SLITRK3: variants seen among roughly 807,000 people sequenced by gnomAD.
The protein encoded by SLITRK3 is SLIT and NTRK like family member 3.
A neutral mutation model predicts 63.6 loss-of-function variants in SLITRK3; 16 were observed. The observed-to-expected ratio is 0.25, with a 90% CI of 0.17 to 0.38. SLITRK3 has a LOEUF of 0.38. Ranked by LOEUF, SLITRK3 falls within the 10% of genes least tolerant of loss-of-function variation. The pLI is 1.00. For missense variants in SLITRK3, 1,117 were observed against 1,181.4 expected, an observed-to-expected ratio of 0.95 and a Z score of 0.80; for synonymous variants, 547 against 451.6, an observed-to-expected ratio of 1.21 and a Z score of -2.68.
In SLITRK3 at chr3:165,189,014, T is replaced by A. The variant is rs753049790; in HGVS notation, c.1817A>T (p.Glu606Val). Residue 606 changes from glutamate (E) to valine (V), a missense_variant, in exon 2 of 2, where the codon GAG becomes GTG. Glu to Val is a moderately radical substitution (Grantham distance 121, BLOSUM62 -2). Transcript: ENST00000475390. This position sits in a 1 kb window ranked among gnomAD's most constrained non-coding sequence, Gnocchi z 4.0. The stretch of plus-strand genomic sequence containing the variant: ...CATCTCTGGGCAAAGAACTTCCAGC[T>A]CAATAGTGCGCACATCACGGTGCGT... The part of the protein sequence containing the change: ...NLTHRDVRTI[E>V]LEVLCPEMLH... 2 of 1,614,106 alleles carry A rather than the reference T, an allele frequency of 1.2e-6. No individual in the cohort carries two copies. Among genetic ancestry groups the A allele is most frequent in the East Asian group, 4.5e-5 (2 of 44,860 alleles).
chr3:165,196,051 C>A lies in SLITRK3; in HGVS notation c.-493G>T, dbSNP rs147338466. 7.6e-3 allele frequency: 1,155 copies of A among 152,808 alleles called. 14 individuals are homozygous for A. Among genetic ancestry groups the A allele is most frequent in the African/African-American group, 0.026 (1,099 of 41,552 alleles). 9.5% of individuals were successfully genotyped at this position (152,808 alleles called of 1,614,324 possible). On this transcript the variant is annotated 5_prime_UTR_variant, in exon 1 of 2. Coordinates refer to ENST00000475390, the MANE Select transcript of SLITRK3 (RefSeq NM_001318810.2). ...GTTGTCACTCACAGCGCAATCCCTG[C>A]CCGAGGCCTCCTTCCATCCGAGAAG...
chr3:165,191,695 G>A (rs1369761655), intron 1 of SLITRK3, among the ~76,000 whole-genome samples: 1 of 152,202 alleles, frequency 6.6e-6, no homozygotes, highest in Admixed American at 6.5e-5. Context: ...GAAAGTGTCT[G>A]AATTAAAACA....
At position 165,188,596 on chromosome 3, in the gene SLITRK3, G is replaced by A. The variant is rs530152284; in HGVS notation, c.2235C>T (p.His745=). 1 of 1,613,980 alleles carries A rather than the reference G, an allele frequency of 6.2e-7. No individual in the cohort carries two copies. The highest frequency in any genetic ancestry group is 1.3e-5 in the African/African-American group (1 of 74,956). Residue 745 remains histidine, a synonymous_variant, in exon 2 of 2, where the codon CAC becomes CAT. Coordinates refer to ENST00000475390, the MANE Select transcript of SLITRK3 (RefSeq NM_001318810.2). ...GGTTGTTGCACATTTGGGTAACCGG[G>A]TGGGGGATGTACTCATACACATGAC... ...PVGHVYEYIP[H]PVTQMCNNPI...
rs1425293344 is a variant in SLITRK3 at position 165,188,422 on chromosome 3, C to T, written c.2409G>A (p.Glu803=). 1.9e-6 allele frequency: 3 copies of T among 1,613,842 alleles called. No homozygotes were observed. The highest frequency in any genetic ancestry group is 2.5e-6 in the Non-Finnish European group (3 of 1,179,998). Residue 803 remains glutamate, a synonymous_variant, in exon 2 of 2, where the codon GAG becomes GAA. Coordinates refer to ENST00000475390, the MANE Select transcript of SLITRK3 (RefSeq NM_001318810.2). The part of the protein sequence containing the change: ...GSEQFAETPK[E]NHSNYRTLLE... ...GCAAGGTCCGGTAGTTACTATGGTTCTCCTTGGGTGTCTCAGCAAACTGCT... is the reference window on the plus strand; with the variant it reads ...GCAAGGTCCGGTAGTTACTATGGTTTTCCTTGGGTGTCTCAGCAAACTGCT...
chr3:165,187,867 A>T lies in SLITRK3; in HGVS notation c.*30T>A. The T allele has an allele frequency of 2.0e-6, 3 of 1,521,306 alleles. No individual in the cohort carries two copies. The highest frequency in any genetic ancestry group is 2.7e-6 in the Non-Finnish European group (3 of 1,128,514). 94.2% of individuals were successfully genotyped at this position (1,521,306 alleles called of 1,614,324 possible). On this transcript the variant is annotated 3_prime_UTR_variant, in exon 2 of 2. Transcript: ENST00000475390. ...TTATTTTCCTTTTCTTTTGAAAAAA[A>T]AAAAGCACTAATATATTTTCTTCTC...
chr3:165,188,507 G>C lies in SLITRK3; in HGVS notation c.2324C>G (p.Ala775Gly). 2.5e-6 allele frequency: 4 copies of C among 1,613,962 alleles called. No homozygotes were observed. Among genetic ancestry groups the C allele is most frequent in the Non-Finnish European group, 2.5e-6 (3 of 1,179,982 alleles). The change falls in exon 2 of 2, where the codon GCA becomes GGA. Residue 775 changes from alanine to glycine, a missense_variant. Ala to Gly is a moderately conservative substitution (Grantham distance 60). This residue lies in a region of SLITRK3 where 499 missense variants were observed against 463.6 expected (regional missense o/e 1.08). Transcript: ENST00000475390. The stretch of plus-strand genomic sequence containing the variant: ...TTGTGTCCCTGGACCCCCACGTTCT[G>C]CACTCCCTGCTTCTTGGGCTGATGA... Reference protein sequence around the residue: ...AVSSAQEAGSAERGGPGTQPP... With the variant: ...AVSSAQEAGSGERGGPGTQPP...
rs747494534 is a variant in SLITRK3, at chr3:165,190,003, C to T, written c.828G>A (p.Arg276=). 1.2e-6 allele frequency: 2 copies of T among 1,614,134 alleles called. No individual in the cohort carries two copies. Among genetic ancestry groups the T allele is most frequent in the East Asian group, 2.2e-5 (1 of 44,868 alleles). The change falls in exon 2 of 2, where the codon AGG becomes AGA. Residue 276 remains arginine (R), a synonymous_variant. Transcript: ENST00000475390. ...ACAACAAGGGACAGAGTTCTGTCTTCCTGATTTCTCGTAGGTCCTTTCCAT... is the reference window on the plus strand; with the variant it reads ...ACAACAAGGGACAGAGTTCTGTCTTTCTGATTTCTCGTAGGTCCTTTCCAT... The part of the protein sequence containing the change: ...HFHGKDLREI[R]KTELCPLLSD...
Position 165,188,620 on chromosome 3 carries a change from A to T in SLITRK3, c.2211T>A (p.Gly737=). The change falls in exon 2 of 2, where the codon GGT becomes GGA. Residue 737 remains glycine, a synonymous_variant. Coordinates refer to ENST00000475390, the MANE Select transcript of SLITRK3 (RefSeq NM_001318810.2). ...LSSPEKAPPV[G]HVYEYIPHPV... is the part of the protein sequence containing the mutation. ...GGTGGGGGATGTACTCATACACATG[A>T]CCCACGGGAGGGGCCTTCTCTGGAG... is the stretch of plus-strand genomic sequence containing the variant. 1 of 1,613,340 alleles carries T rather than the reference A, an allele frequency of 6.2e-7. No homozygotes were observed. Among genetic ancestry groups the T allele is most frequent in the Non-Finnish European group, 8.5e-7 (1 of 1,179,800 alleles).
intron 1 of SLITRK3, among the ~76,000 whole-genome samples, chr3:165,191,737 C>T (rs932162337): frequency 7.9e-5 from 12 of 152,130 alleles, no homozygotes; most frequent in South Asian, 2.1e-4. Flanking sequence ...TGTGTATCTG[C>T]GCCTTCAAGA....
At chr3:165,194,949 G>A (rs765723033) in intron 1 of SLITRK3, among the ~76,000 whole-genome samples, 1 of 152,136 alleles carries the variant, frequency 6.6e-6, no homozygotes, top group South Asian at 2.1e-4. Flanking sequence ...TCCGTGTCCT[G>A]CTGGGAGCGC....
chr3:165,193,258 A>T (rs1378739952), intron 1 of SLITRK3, among the ~76,000 whole-genome samples: 2 of 101,662 alleles, frequency 2.0e-5, no homozygotes, highest in South Asian at 3.6e-4. Context: ...GAGATGGGGG[A>T]GGGGGGCAGG....
intron 1 of SLITRK3, among the ~76,000 whole-genome samples, chr3:165,194,099 G>T (rs1718335489): frequency 1.3e-5 from 2 of 152,092 alleles, no homozygotes; most frequent in Non-Finnish European, 2.9e-5. Context: ...TGCTGTGGAT[G>T]CTCCCCATCT....
At position 165,187,602 on chromosome 3, in the gene SLITRK3, T is replaced by C. The variant is rs574451303; in HGVS notation, c.*295A>G. The stretch of plus-strand genomic sequence containing the variant: ...CCAGTATATCTTATACATGGCACAG[T>C]CAAAGTCTCAAGTTTCAGTATAAAA... On this transcript the variant is annotated 3_prime_UTR_variant, in exon 2 of 2. Transcript: ENST00000475390. 2 of 278,224 alleles carry C rather than the reference T, an allele frequency of 7.2e-6. No homozygotes were observed. The highest frequency in any genetic ancestry group is 6.2e-5 in the East Asian group (1 of 16,122). The allele number at this position is 278,224 out of a possible 1,614,324, so 17.2% of individuals were successfully genotyped here.
chr3:165,194,253 T>C (rs1057243197), intron 1 of SLITRK3, among the ~76,000 whole-genome samples: 3 of 152,210 alleles, frequency 2.0e-5, no homozygotes, highest in African/African-American at 7.2e-5. Context: ...TTTCCCTTAA[T>C]GGACCCTTTA....
At chr3:165,191,975 A>G (rs1228364425) in intron 1 of SLITRK3, among the ~76,000 whole-genome samples, 4 of 152,238 alleles carry the variant, frequency 2.6e-5, no homozygotes, top group Non-Finnish European at 5.9e-5. Context: ...TCCTTGCCTA[A>G]TAACATCAGT....
chr3:165,189,939 A>G lies in SLITRK3; in HGVS notation c.892T>C (p.Ser298Pro). 6.2e-6 allele frequency: 10 copies of G among 1,614,156 alleles called. No individual in the cohort carries two copies. The highest frequency in any genetic ancestry group is 7.6e-6 in the Non-Finnish European group (9 of 1,180,048). Residue 298 changes from serine (S) to proline (P), a missense_variant, in exon 2 of 2, where the codon TCG (serine) becomes CCG (proline). This residue lies in a region of SLITRK3 where 452 missense variants were observed against 495.3 expected (regional missense o/e 0.91). Coordinates refer to ENST00000475390, the MANE Select transcript of SLITRK3 (RefSeq NM_001318810.2). The surrounding 1 kb of genome is among the most constrained non-coding windows in gnomAD (Gnocchi z 4.0). ...EVEASLGIPH[S>P]SSSKENAWPT... ...CATGCATTCTCCTTACTTGATGACG[A>G]ATGTGGAATTCCCAAACTAGCCTCT...
Position 165,195,853 on chromosome 3 carries a change from C to G in SLITRK3, c.-295G>C, listed in dbSNP as rs1472693979. The G allele has an allele frequency of 6.5e-6, 1 of 152,692 alleles. No homozygotes were observed. Among genetic ancestry groups the G allele is most frequent in the Non-Finnish European group, 1.5e-5 (1 of 68,112 alleles). The allele number at this position is 152,692 out of a possible 1,614,324, so 9.5% of individuals were successfully genotyped here. A position where few individuals can be genotyped will look rare whatever the true frequency, so the allele number is the denominator to read the frequency against. ...GGCGATGCCAGCGACAGGGAGCTCA[C>G]GACCACAGCTCCCTATGCCCTCGAT... On this transcript the variant is annotated 5_prime_UTR_variant, in exon 1 of 2. Transcript: ENST00000475390.
intron 1 of SLITRK3, among the ~76,000 whole-genome samples, chr3:165,194,667 G>T (rs570883838): frequency 2.0e-5 from 3 of 152,238 alleles, no homozygotes; most frequent in African/African-American, 7.2e-5. Flanking sequence ...TGCAGAGGCG[G>T]TGACTATTTA....
At position 165,190,824 on chromosome 3, in the gene SLITRK3, G is replaced by T. The variant is rs748449194; in HGVS notation, c.7C>A (p.Pro3Thr). The T allele has an allele frequency of 5.1e-6, 8 of 1,572,928 alleles. No individual in the cohort carries two copies. Among genetic ancestry groups the T allele is most frequent in the Non-Finnish European group, 6.9e-6 (8 of 1,161,664 alleles). ...CTGTGAAGCATCTCAGCTATGGAAG[G>T]TTTCATCGTTCGTGGTTGATTACAA... MK[P>T]SIAEMLHRGR... Residue 3 changes from proline to threonine, a missense_variant, in exon 2 of 2, where the codon CCT (proline) becomes ACT (threonine). Coordinates refer to ENST00000475390, the MANE Select transcript of SLITRK3 (RefSeq NM_001318810.2).
Sources: allele counts gnomAD v4.1 joint callset (sites outside exome capture counted in the v4.1 genomes callset), GRCh38; gene constraint gnomAD v4.1.1; regional missense constraint gnomAD v4.1.1; non-coding constraint Gnocchi (gnomAD v3.1); transcripts MANE v1.5; gene names NCBI Gene and HGNC (gene_info 2026-07-23, HGNC 2026-07-21).